Variants in MCHR2 observed in about 807,000 individuals in gnomAD.
MCHR2 encodes the protein melanin-concentrating hormone receptor 2.
A neutral mutation model predicts 24.8 loss-of-function variants in MCHR2; 15 were observed. The observed-to-expected ratio is 0.60, with a 90% CI of 0.40 to 0.93. The LOEUF (loss-of-function observed/expected upper bound fraction) is 0.93, where lower values mean the gene tolerates loss of function less well. MCHR2 is among the 40% of genes least tolerant of loss of function. The pLI, the probability that MCHR2 is intolerant of heterozygous loss-of-function variation, is 0.00. For synonymous variants in MCHR2, 151 were observed against 147.6 expected, an observed-to-expected ratio of 1.02 and a Z score of -0.17; for missense variants, 386 against 408.7, an observed-to-expected ratio of 0.94 and a Z score of 0.48.
At chr6:99,979,891 T>A (rs147088136) in intron 1 of MCHR2, among the ~76,000 whole-genome samples, 1 of 152,166 alleles carries the variant, frequency 6.6e-6, no homozygotes, top group African/African-American at 2.4e-5. Context: ...TTCTGAAAAA[T>A]GTATGCTCCT....
At chr6:99,923,783 T>C (rs1471497056) in intron 5 of MCHR2, among the ~76,000 whole-genome samples, 1 of 152,128 alleles carries the variant, frequency 6.6e-6, no homozygotes, top group Non-Finnish European at 1.5e-5. Context: ...TTGGTCATGA[T>C]GAATGAGATT....
chr6:99,940,110 A>G (rs1375122090), intron 4 of MCHR2, among the ~76,000 whole-genome samples: 4 of 151,754 alleles, frequency 2.6e-5, no homozygotes, highest in Non-Finnish European at 4.4e-5. Flanking sequence ...ATCTTCCCAT[A>G]TCTGGATATT....
intron 4 of MCHR2, among the ~76,000 whole-genome samples, chr6:99,941,529 G>A (rs914011479): frequency 6.6e-6 from 1 of 152,126 alleles, no homozygotes. Context: ...ATAATGGTAT[G>A]AGGAAGTAGG....
At chr6:99,973,890 C>T (rs1274631795) in intron 1 of MCHR2, among the ~76,000 whole-genome samples, 2 of 152,196 alleles carry the variant, frequency 1.3e-5, no homozygotes, top group African/African-American at 2.4e-5. Flanking sequence ...TATTGGCCCC[C>T]ACTCTCTTCT....
intron 2 of MCHR2, among the ~76,000 whole-genome samples, chr6:99,953,155 T>C (rs1017883735): frequency 2.0e-5 from 3 of 152,178 alleles, no homozygotes; most frequent in Non-Finnish European, 2.9e-5. Flanking sequence ...CTGTTATCTA[T>C]TGGTGTAAAT....
At chr6:99,964,963 TATA>T (rs1775266416) in intron 1 of MCHR2, among the ~76,000 whole-genome samples, 1 of 152,102 alleles carries the variant, frequency 6.6e-6, no homozygotes. Context: ...TAGGGCTACA[TATA>T]ATGATGGTAA....
At chr6:99,982,507 C>T (rs6570469) in intron 1 of MCHR2, among the ~76,000 whole-genome samples, 138,808 of 139,572 alleles carry the variant, frequency 0.99, 69,027 homozygotes, top group East Asian at 1. Flanking sequence ...GGTGTGGTGG[C>T]GCACATCTGT....
At chr6:99,925,410 TAAGC>T (rs2114486654) in intron 5 of MCHR2, among the ~76,000 whole-genome samples, 2 of 152,226 alleles carry the variant, frequency 1.3e-5, no homozygotes, top group African/African-American at 4.8e-5. Flanking sequence ...TTATTATTGA[TAAGC>T]AAGGACTTAC....
intron 1 of MCHR2, among the ~76,000 whole-genome samples, chr6:99,992,142 C>T (rs1167470910): frequency 1.3e-5 from 2 of 152,152 alleles, no homozygotes; most frequent in South Asian, 2.1e-4. Flanking sequence ...AGAGGCATCC[C>T]GGCATCTTCA....
chr6:99,971,715 A>C (rs1775425398), intron 1 of MCHR2, among the ~76,000 whole-genome samples: 1 of 152,200 alleles, frequency 6.6e-6, no homozygotes, highest in African/African-American at 2.4e-5. Flanking sequence ...GATAGCTCTT[A>C]TGATTTTGAG....
chr6:99,974,327 T>C (rs1036902518), intron 1 of MCHR2, among the ~76,000 whole-genome samples: 2 of 152,224 alleles, frequency 1.3e-5, no homozygotes, highest in African/African-American at 4.8e-5. Flanking sequence ...CCAACACTGA[T>C]ACACTTTCTT....
chr6:99,976,732 C>CTTT (rs1214535353), intron 1 of MCHR2, among the ~76,000 whole-genome samples: 96 of 152,334 alleles, frequency 6.3e-4, no homozygotes, highest in African/African-American at 2.1e-3. Context: ...AGTTCACCTT[C>CTTT]TGACACCTGC....
intron 1 of MCHR2, among the ~76,000 whole-genome samples, chr6:99,959,767 A>T (rs1326469540): frequency 3.3e-5 from 5 of 150,108 alleles, no homozygotes; most frequent in Non-Finnish European, 4.4e-5. Flanking sequence ...GAGAATCAGA[A>T]AATTTGAAGA....
chr6:99,944,902 C>A (rs1229745059), intron 3 of MCHR2, among the ~76,000 whole-genome samples: 1 of 152,108 alleles, frequency 6.6e-6, no homozygotes, highest in Non-Finnish European at 1.5e-5. Flanking sequence ...TCTTGACTTC[C>A]TCAAGCTCTT....
At chr6:99,955,905 G>A in intron 2 of MCHR2, 61 bp downstream of exon 2, 5 of 1,337,724 alleles carry the variant, frequency 3.7e-6, no homozygotes, top group Non-Finnish European at 4.9e-6. Flanking sequence ...CATTTAGGGA[G>A]CTTTGACTGT....
rs73760573 is a variant in MCHR2, at chr6:99,956,552, A to T, written c.-27-378T>A. 7.7e-3 allele frequency among the ~76,000 whole-genome samples: 1,169 copies of T among 152,166 alleles called. 16 individuals carry two copies. Among genetic ancestry groups the T allele is most frequent in the African/African-American group, 0.027 (1,129 of 41,514 alleles). On this transcript the variant is annotated intron_variant, in intron 1 of 5. Transcript: ENST00000281806. ...ATTGGCTAGTATTCTTGTAACACTT[A>T]TGTTGTTAAATATATCCTCTCTGTC... is the stretch of plus-strand genomic sequence containing the variant.
At chr6:99,926,479 CAT>C (rs200651876) in intron 5 of MCHR2, among the ~76,000 whole-genome samples, 48,084 of 151,572 alleles carry the variant, frequency 0.32, 7,969 homozygotes, top group Admixed American at 0.41. Flanking sequence ...TATTTCTCCA[CAT>C]CCTCTCCAGC....
rs1774218846 is a variant in MCHR2, at chr6:99,921,124, G to A, written c.839C>T (p.Pro280Leu). 1.2e-6 allele frequency: 2 copies of A among 1,614,146 alleles called. No homozygotes were observed. The highest frequency in any genetic ancestry group is 1.7e-6 in the Non-Finnish European group (2 of 1,180,022). Residue 280 changes from proline (P) to leucine (L), a missense_variant, in exon 6 of 6, where the codon CCC becomes CTC. Coordinates refer to ENST00000281806, the MANE Select transcript of MCHR2 (RefSeq NM_001040179.2). ...IQLVNLQMEQPTLAFYVGYYL... is the reference protein window; with the variant it reads ...IQLVNLQMEQLTLAFYVGYYL... The stretch of plus-strand genomic sequence containing the variant: ...ATAACCCACATAGAAGGCCAGTGTG[G>A]GCTGTTCCATCTGTAAGTTCACCAG...
At chr6:99,948,104 A>T (rs1408230155) in intron 2 of MCHR2, 133 bp from the exon 3 acceptor site, 21 of 692,118 alleles carry the variant, frequency 3.0e-5, no homozygotes, top group Non-Finnish European at 4.4e-5. Context: ...AGATGCATAG[A>T]GGAAATGCCT....
Sources: allele counts gnomAD v4.1 joint callset (sites outside exome capture counted in the v4.1 genomes callset), GRCh38; gene constraint gnomAD v4.1.1; transcripts MANE v1.5; gene names NCBI Gene and HGNC (gene_info 2026-07-23, HGNC 2026-07-21).